FAM13C: variants seen among roughly 807,000 people sequenced by gnomAD.
The protein encoded by FAM13C is family with sequence similarity 13 member C.
FAM13C carries 37 observed loss-of-function variants against 73.2 expected under a neutral mutation model. The observed-to-expected ratio is 0.51, with a 90% confidence interval of 0.39 to 0.67. The LOEUF (loss-of-function observed/expected upper bound fraction) is 0.67. Among genes scored for constraint, FAM13C ranks in the 30% least tolerant of loss-of-function variants. The pLI is 0.00. For synonymous variants in FAM13C, 246 were observed against 260.9 expected (o/e 0.94, Z 0.55); for missense variants, 589 against 715.6 (o/e 0.82, Z 2.02).
intron 2 of FAM13C, among the ~76,000 whole-genome samples, chr10:59,353,551 A>T (rs1290557343): frequency 6.6e-6 from 1 of 152,194 alleles, no homozygotes; most frequent in African/African-American, 2.4e-5. Flanking sequence ...CTAGCTGCTC[A>T]AGGACACCTA....
chr10:59,251,245 T>G, intron 13 of FAM13C: 1 of 375,426 alleles, frequency 2.7e-6, no homozygotes, highest in Non-Finnish European at 4.7e-6. Flanking sequence ...AAAGCAGTTA[T>G]GTGGGCTAAA....
intron 1 of FAM13C, among the ~76,000 whole-genome samples, chr10:59,357,706 T>C (rs1382395060): frequency 2.0e-5 from 3 of 152,222 alleles, no homozygotes; most frequent in Non-Finnish European, 4.4e-5. Flanking sequence ...TTACTCCCTA[T>C]TTCTGTTTTT....
At chr10:59,362,190 C>G (rs1856497257) in intron 1 of FAM13C, among the ~76,000 whole-genome samples, 1 of 152,136 alleles carries the variant, frequency 6.6e-6, no homozygotes, top group African/African-American at 2.4e-5. Context: ...GTTTTAATTT[C>G]TCTCCCGCAG....
At chr10:59,307,723 G>A (rs1848428777) in intron 4 of FAM13C, among the ~76,000 whole-genome samples, 1 of 152,158 alleles carries the variant, frequency 6.6e-6, no homozygotes, top group Non-Finnish European at 1.5e-5. Flanking sequence ...CAGATGCTAA[G>A]TATTATGGAG....
At chr10:59,335,526 C>T (rs573418200) in intron 3 of FAM13C, among the ~76,000 whole-genome samples, 7 of 152,164 alleles carry the variant, frequency 4.6e-5, no homozygotes, top group East Asian at 1.9e-4. Flanking sequence ...CCCCTACCAG[C>T]GCCACTCCTC....
intron 3 of FAM13C, among the ~76,000 whole-genome samples, chr10:59,325,503 G>A (rs61353979): frequency 0.049 from 7,531 of 152,172 alleles, 561 homozygotes; most frequent in African/African-American, 0.16. Flanking sequence ...CCATTAGTAT[G>A]CACTAGTCCC....
intron 4 of FAM13C, among the ~76,000 whole-genome samples, chr10:59,310,624 A>G (rs1848812134): frequency 6.6e-6 from 1 of 152,184 alleles, no homozygotes; most frequent in South Asian, 2.1e-4. Flanking sequence ...TACTGAAAGA[A>G]AACAAAACTC....
At chr10:59,344,118 C>A (rs779037793) in intron 3 of FAM13C, among the ~76,000 whole-genome samples, 1 of 151,302 alleles carries the variant, frequency 6.6e-6, no homozygotes, top group Non-Finnish European at 1.5e-5. Context: ...CCCGCCACCA[C>A]GCCCAGCTAA....
chr10:59,275,972 CA>C (rs1257639610), intron 6 of FAM13C, among the ~76,000 whole-genome samples: 4 of 152,138 alleles, frequency 2.6e-5, no homozygotes, highest in Non-Finnish European at 5.9e-5. Context: ...CCTTAGAAAA[CA>C]AGGGGTTAAT....
chr10:59,282,453 T>A (rs557812794), intron 6 of FAM13C: 1 of 152,284 alleles, frequency 6.6e-6, no homozygotes, highest in South Asian at 2.1e-4. Context: ...GGGCATATAG[T>A]AGGTGTATAT....
Position 59,310,634 on chromosome 10 carries a change from C to T in FAM13C, c.444-7770G>A, listed in dbSNP as rs117815758. ...GAGACTACTGAAAGAAAACAAAACT[C>T]GAAGTCCATGGATGTTCAGAAACTG... is the stretch of plus-strand genomic sequence containing the variant. On this transcript the variant is annotated intron_variant, in intron 4 of 13. Coordinates refer to ENST00000618804, the MANE Select transcript of FAM13C (RefSeq NM_198215.4). 3.5e-3 allele frequency among the ~76,000 whole-genome samples: 531 copies of T among 152,170 alleles called. 1 individual carries two copies. The highest frequency in any genetic ancestry group is 5.8e-3 in the Non-Finnish European group (396 of 68,008).
intron 4 of FAM13C, among the ~76,000 whole-genome samples, chr10:59,313,507 C>T (rs1423266154): frequency 6.6e-6 from 1 of 152,164 alleles, no homozygotes; most frequent in East Asian, 1.9e-4. Flanking sequence ...GCCACTTTGT[C>T]ATGTACAACC....
intron 4 of FAM13C, among the ~76,000 whole-genome samples, chr10:59,318,777 G>GGT (rs1849847029): frequency 6.6e-6 from 1 of 151,906 alleles, no homozygotes; most frequent in Non-Finnish European, 1.5e-5. Context: ...CGTATACCAG[G>GGT]GAGTCTCAAA....
chr10:59,319,969 C>A (rs540177408), intron 4 of FAM13C, among the ~76,000 whole-genome samples: 7 of 152,294 alleles, frequency 4.6e-5, no homozygotes, highest in Non-Finnish European at 8.8e-5. Context: ...AAGACATTTT[C>A]ATCCAGGAGG....
chr10:59,317,794 G>T (rs1264503195), intron 4 of FAM13C, among the ~76,000 whole-genome samples: 1 of 151,648 alleles, frequency 6.6e-6, no homozygotes, highest in East Asian at 1.9e-4. Flanking sequence ...TGCACAATGT[G>T]CAGGTTAGTT....
chr10:59,315,853 T>G (rs1008284933), intron 4 of FAM13C, among the ~76,000 whole-genome samples: 7 of 152,174 alleles, frequency 4.6e-5, no homozygotes, highest in African/African-American at 1.7e-4. Flanking sequence ...GCCACATGAC[T>G]TTTATCTAGT....
At chr10:59,304,979 G>A (rs1848096219) in intron 4 of FAM13C, among the ~76,000 whole-genome samples, 1 of 152,032 alleles carries the variant, frequency 6.6e-6, no homozygotes. Context: ...ACTCCCCTTT[G>A]CTTTTTGCCA....
At position 59,344,211 on chromosome 10, in the gene FAM13C, C is replaced by T. The variant is rs189779774; in HGVS notation, c.324+8059G>A. Among the ~76,000 whole-genome samples, 885 of 151,646 alleles carry T rather than the reference C, an allele frequency of 5.8e-3. 12 individuals carry two copies. The highest frequency in any genetic ancestry group is 0.02 in the African/African-American group (845 of 41,330). On this transcript the variant is annotated intron_variant, in intron 3 of 13. Coordinates refer to ENST00000618804, the MANE Select transcript of FAM13C (RefSeq NM_198215.4). ...TTTCCTGACCTCGCGATCCGCCCACCTTGGCCTCCGAAAGTGCTGGGATTA... is the reference window on the plus strand; with the variant it reads ...TTTCCTGACCTCGCGATCCGCCCACTTTGGCCTCCGAAAGTGCTGGGATTA...
At chr10:59,346,202 G>A (rs952071305) in intron 3 of FAM13C, among the ~76,000 whole-genome samples, 1 of 73,198 alleles carries the variant, frequency 1.4e-5, no homozygotes, top group Non-Finnish European at 3.5e-5. Flanking sequence ...TTTTGTAGGG[G>A]AGGGTAGAAA....
Sources: gnomAD v4.1 joint callset for allele counts (sites outside exome capture counted in the v4.1 genomes callset) on GRCh38, gnomAD v4.1.1 for gene constraint, MANE v1.5 for transcripts, NCBI Gene and HGNC (gene_info 2026-07-23, HGNC 2026-07-21) for gene names.